PDE10A: variants seen among roughly 807,000 people sequenced by gnomAD.
PDE10A encodes phosphodiesterase 10A, also known as cAMP and cAMP-inhibited cGMP 3',5'-cyclic phosphodiesterase 10A.
PDE10A carries 39 observed loss-of-function variants against 97.7 expected under a neutral mutation model. That is an observed-to-expected ratio of 0.40 (90% CI 0.31 to 0.52). PDE10A has a LOEUF of 0.52. Ranked by LOEUF, PDE10A falls within the 20% of genes least tolerant of loss-of-function variation. PDE10A has a pLI of 0.56. For synonymous variants in PDE10A, 371 were observed against 376.8 expected, an observed-to-expected ratio of 0.98 and a Z score of 0.18; for missense variants, 731 against 1,047.8, an observed-to-expected ratio of 0.70 and a Z score of 4.17.
At chr6:165,416,059 T>C in intron 12 of PDE10A, 130 bp downstream of exon 12, 1 of 678,556 alleles carries the variant, frequency 1.5e-6, no homozygotes. Context: ...CAGAGTTGGT[T>C]CAGAGAAGAA....
chr6:165,664,040 G>A (rs1280694306), upstream of PDE10A, among the ~76,000 whole-genome samples: 1 of 152,202 alleles, frequency 6.6e-6, no homozygotes, highest in East Asian at 1.9e-4. Context: ...CTGGGTCCGA[G>A]GAGGGGCGGT....
Position 165,655,633 on chromosome 6 carries a change from A to G in PDE10A, c.865+6314T>C, listed in dbSNP as rs1385684023. ...TGTCTTGACTATGACAGTAGCATCC[A>G]TGGACTCCCTGTATCCACGACATCT... On this transcript the variant is annotated intron_variant, in intron 1 of 21. Coordinates refer to ENST00000539869, the MANE Select transcript of PDE10A (RefSeq NM_001385079.1). The surrounding 1 kb of genome is among the most constrained non-coding windows in gnomAD (Gnocchi z 4.5). Among the ~76,000 whole-genome samples, 1 of 152,114 alleles carries G rather than the reference A, an allele frequency of 6.6e-6. No individual in the cohort carries two copies. The highest frequency in any genetic ancestry group is 2.4e-5 in the African/African-American group (1 of 41,432).
intron 1 of PDE10A, among the ~76,000 whole-genome samples, chr6:165,683,862 C>T (rs1478363260): frequency 2.0e-5 from 3 of 152,172 alleles, no homozygotes; most frequent in Non-Finnish European, 4.4e-5. Flanking sequence ...CCACGACTTC[C>T]ATGACCGGTG....
At chr6:165,649,861 TG>T (rs1257852091) in intron 1 of PDE10A, among the ~76,000 whole-genome samples, 2 of 152,220 alleles carry the variant, frequency 1.3e-5, no homozygotes. Context: ...TGAAACTGGC[TG>T]GGCAGCTCTC....
chr6:165,459,487 C>A (rs995326413), intron 3 of PDE10A, among the ~76,000 whole-genome samples: 1 of 146,132 alleles, frequency 6.8e-6, no homozygotes, highest in Non-Finnish European at 1.5e-5. Context: ...GCTTCTAATG[C>A]ATTAGATAGA....
At chr6:165,463,943 C>T (rs221739) in intron 3 of PDE10A, among the ~76,000 whole-genome samples, 33,353 of 152,240 alleles carry the variant, frequency 0.22, 3,896 homozygotes, top group South Asian at 0.36. Flanking sequence ...TTAATTAGGT[C>T]CATCCCTTCG....
intron 1 of PDE10A, among the ~76,000 whole-genome samples, chr6:165,845,761 C>T (rs890429241): frequency 7.2e-5 from 11 of 152,318 alleles, no homozygotes; most frequent in African/African-American, 2.4e-4. Flanking sequence ...ATTTGACATA[C>T]AGCTTCCTTT....
intron 10 of PDE10A, among the ~76,000 whole-genome samples, chr6:165,425,859 A>G (rs1413102213): frequency 6.6e-6 from 1 of 151,684 alleles, no homozygotes; most frequent in Non-Finnish European, 1.5e-5. Flanking sequence ...GAGTTCATCA[A>G]GCTTGCAGGA....
intron 1 of PDE10A, among the ~76,000 whole-genome samples, chr6:165,978,337 C>A (rs1235646135): frequency 6.6e-6 from 1 of 152,118 alleles, no homozygotes; most frequent in Non-Finnish European, 1.5e-5. Context: ...CATTTTGCAA[C>A]TTTAGGCAGA....
At chr6:165,838,827 C>T (rs1780137085) in intron 1 of PDE10A, among the ~76,000 whole-genome samples, 1 of 152,206 alleles carries the variant, frequency 6.6e-6, no homozygotes, top group South Asian at 2.1e-4. Flanking sequence ...TCCAGGGTTT[C>T]CAAAGTCTAG....
At chr6:165,592,516 C>T (rs1786339134) in intron 1 of PDE10A, among the ~76,000 whole-genome samples, 1 of 152,062 alleles carries the variant, frequency 6.6e-6, no homozygotes, top group African/African-American at 2.4e-5. Flanking sequence ...TAAGAGGCAA[C>T]CTACAGAATG....
intron 1 of PDE10A, among the ~76,000 whole-genome samples, chr6:165,574,824 A>G (rs73786642): frequency 0.1 from 15,871 of 152,232 alleles, 1,598 homozygotes; most frequent in African/African-American, 0.27. Flanking sequence ...ATATTACATT[A>G]TAACTGTTTA....
Position 165,661,886 on chromosome 6 carries a change from A to C in PDE10A, c.865+61T>G. 1 of 742,194 alleles carries C rather than the reference A, an allele frequency of 1.3e-6. No homozygotes were observed. Among genetic ancestry groups the C allele is most frequent in the Non-Finnish European group, 2.4e-6 (1 of 424,972 alleles). The allele number at this position is 742,194 out of a possible 1,614,324, so 46.0% of individuals were successfully genotyped here. A position where few individuals can be genotyped will look rare whatever the true frequency, so the allele number is the denominator to read the frequency against. On this transcript the variant is annotated intron_variant, in intron 1 of 21. Coordinates refer to ENST00000539869, the MANE Select transcript of PDE10A (RefSeq NM_001385079.1). This position sits in a 1 kb window ranked among gnomAD's most constrained non-coding sequence, Gnocchi z 4.8. ...TCCCACCCAGCAGTCCAAGCCCCCC[A>C]CCTGCCCCCAGGGGATGAGGAGCCG...
At chr6:165,681,394 A>ATG (rs145137771) in intron 1 of PDE10A, among the ~76,000 whole-genome samples, 46 of 150,570 alleles carry the variant, frequency 3.1e-4, no homozygotes, top group Admixed American at 1.7e-3. Context: ...TCTTGGGAAA[A>ATG]TGTGTGTGTG....
At chr6:165,413,409 A>C in intron 13 of PDE10A, 92 bp downstream of exon 13, 1 of 695,096 alleles carries the variant, frequency 1.4e-6, no homozygotes, top group South Asian at 2.2e-5. Context: ...GGAAATATAA[A>C]TGAAAAAAAA....
rs9459467 is a variant in PDE10A at position 165,655,582 on chromosome 6, G to A, written c.865+6365C>T. Among the ~76,000 whole-genome samples, 1,205 of 152,014 alleles carry A rather than the reference G, an allele frequency of 7.9e-3. 17 individuals are homozygous for A. The highest frequency in any genetic ancestry group is 0.028 in the African/African-American group (1,160 of 41,438). On this transcript the variant is annotated intron_variant, in intron 1 of 21. Coordinates refer to ENST00000539869, the MANE Select transcript of PDE10A (RefSeq NM_001385079.1). This position sits in a 1 kb window ranked among gnomAD's most constrained non-coding sequence, Gnocchi z 4.5. ...GCGGCATTTTGCTTCTACCATCATC[G>A]CCGTGATCCAAGTTACCATTGCTCT...
chr6:165,428,329 C>T (rs975132872), intron 10 of PDE10A, among the ~76,000 whole-genome samples: 1 of 152,096 alleles, frequency 6.6e-6, no homozygotes, highest in Non-Finnish European at 1.5e-5. Context: ...GTAGAATGAA[C>T]TTGAAGATCA....
At chr6:165,495,923 G>T (rs950574855) in intron 2 of PDE10A, among the ~76,000 whole-genome samples, 6 of 152,112 alleles carry the variant, frequency 3.9e-5, no homozygotes, top group African/African-American at 1.2e-4. Context: ...AAATGCAGGT[G>T]ACTGTCAATA....
Position 165,540,420 on chromosome 6 carries a change from T to C in PDE10A, c.994+3020A>G, listed in dbSNP as rs182382380. Among the ~76,000 whole-genome samples, 666 of 152,314 alleles carry C rather than the reference T, an allele frequency of 4.4e-3. 2 individuals carry two copies. Among genetic ancestry groups the C allele is most frequent in the Middle Eastern group, 0.02 (6 of 294 alleles). On this transcript the variant is annotated intron_variant, in intron 2 of 21. Coordinates refer to ENST00000539869, the MANE Select transcript of PDE10A (RefSeq NM_001385079.1). ...GTTACACGGTTTTATTTCATTTTCT[T>C]TTTTCTAAATGACAAAAAATGAAAT...
Sources: allele counts gnomAD v4.1 joint callset (sites outside exome capture counted in the v4.1 genomes callset), GRCh38; gene constraint gnomAD v4.1.1; non-coding constraint Gnocchi (gnomAD v3.1); transcripts MANE v1.5; gene names NCBI Gene and HGNC (gene_info 2026-07-23, HGNC 2026-07-21).